DEPDC4: variants seen among roughly 807,000 people sequenced by gnomAD.
DEPDC4 encodes the protein DEP domain containing 4, also known as DEP domain-containing protein 4.
DEPDC4 carries 52 observed loss-of-function variants against 52.0 expected under a neutral mutation model. The observed-to-expected ratio is 1.00, with a 90% CI of 0.80 to 1.26. The LOEUF is 1.26. Ranked by LOEUF, DEPDC4 falls within the 50% of genes most tolerant of loss-of-function variation. The pLI, the probability that DEPDC4 is intolerant of heterozygous loss-of-function variation, is 0.00. For missense variants in DEPDC4, 530 were observed against 546.9 expected, an observed-to-expected ratio of 0.97 and a Z score of 0.31; for synonymous variants, 201 against 196.8, an observed-to-expected ratio of 1.02 and a Z score of -0.18.
At chr12:100,258,807 AC>A (rs2096243585) in intron 3 of DEPDC4, among the ~76,000 whole-genome samples, 1 of 152,020 alleles carries the variant, frequency 6.6e-6, no homozygotes, top group Non-Finnish European at 1.5e-5. Flanking sequence ...GCGGTGGTTC[AC>A]GTCTGTAATC....
intron 8 of DEPDC4, among the ~76,000 whole-genome samples, chr12:100,244,468 A>T (rs530752368): frequency 6.6e-6 from 1 of 150,950 alleles, no homozygotes; most frequent in South Asian, 2.1e-4. Context: ...GTCATGAGCC[A>T]CAGCATCCGG....
rs1386065817 is a variant in DEPDC4, at chr12:100,244,093, GTGTATATATATATATATATA to G, written c.1454-1544_1454-1525del. 2.1e-3 allele frequency among the ~76,000 whole-genome samples: 189 copies of G among 89,334 alleles called. 13 individuals are homozygous for G. In the East Asian group the frequency reaches 0.033, roughly 16 times the overall value. 58.6% of individuals were successfully genotyped at this position (89,334 alleles called of 152,430 possible). A position where few individuals can be genotyped will look rare whatever the true frequency, so the allele number is the denominator to read the frequency against. ...TCCCTCTCTCTCTCTCTCTCTCTCT[GTGTATATATATATATATATA>G]TATATATATATATATATATATACAC... is the stretch of plus-strand genomic sequence containing the variant. On this transcript the variant is annotated intron_variant, in intron 8 of 9. Transcript: ENST00000550587.
chr12:100,272,891 A>G, the DEPDC4 span, among the ~76,000 whole-genome samples: 15 of 152,364 alleles, frequency 9.8e-5, no homozygotes, highest in Admixed American at 9.8e-4. Context: ...ACATGTAAAT[A>G]CAAAATAAAT....
Position 100,256,053 on chromosome 12 carries a change from G to C in DEPDC4, c.874C>G (p.Pro292Ala). ...ACAATAAAAATGGTCACTTACTCAG[G>C]TAGACATAAGCTTGGAATAAGTTCT... ...DRELIPSLCL[P>A]EIDNWLNAAI... The change falls in exon 4 of 10, where the codon CCT becomes GCT. Residue 292 changes from proline to alanine, a missense_variant. By Grantham distance (27) the Pro-to-Ala change is conservative (BLOSUM62 -1). Coordinates refer to ENST00000550587, the MANE Select transcript of DEPDC4 (RefSeq NM_001364818.2). 1 of 1,591,078 alleles carries C rather than the reference G, an allele frequency of 6.3e-7. No homozygotes were observed. Among genetic ancestry groups the C allele is most frequent in the Non-Finnish European group, 8.6e-7 (1 of 1,167,518 alleles).
chr12:100,251,099 G>A (rs746205894), intron 7 of DEPDC4, among the ~76,000 whole-genome samples: 2 of 152,062 alleles, frequency 1.3e-5, no homozygotes, highest in Non-Finnish European at 2.9e-5. Context: ...ATTATGACAT[G>A]AGACAAAAAT....
At position 100,252,498 on chromosome 12, in the gene DEPDC4, G is replaced by C. The variant is rs758262947; in HGVS notation, c.1144C>G (p.Leu382Val). The change falls in exon 6 of 10, where the codon CTA (leucine) becomes GTA (valine). Residue 382 changes from leucine (L) to valine (V), a missense_variant. By Grantham distance (32) the Leu-to-Val change is conservative (BLOSUM62 1). Coordinates refer to ENST00000550587, the MANE Select transcript of DEPDC4 (RefSeq NM_001364818.2). ...TTCAGCAACAGCAATCTTAGATATA[G>C]TTGTGTTGCTTCAAGTGCTTCTGCT... is the stretch of plus-strand genomic sequence containing the variant. ...KRAEALEATQ[L>V]YLRLLLLNIR... 1.9e-6 allele frequency: 3 copies of C among 1,608,790 alleles called. No individual in the cohort carries two copies. Among genetic ancestry groups the C allele is most frequent in the Admixed American group, 3.4e-5 (2 of 59,462 alleles).
Position 100,240,927 on chromosome 12 carries a change from C to T in DEPDC4, c.*965G>A, listed in dbSNP as rs567648085. ...AATTAGCCGGGCATAGTGGCAGGTACCTATAATCCCAGCTACTCGGGAGGC... is the reference window on the plus strand; with the variant it reads ...AATTAGCCGGGCATAGTGGCAGGTATCTATAATCCCAGCTACTCGGGAGGC... On this transcript the variant is annotated 3_prime_UTR_variant, in exon 10 of 10. Coordinates refer to ENST00000550587, the MANE Select transcript of DEPDC4 (RefSeq NM_001364818.2). 6.6e-5 allele frequency among the ~76,000 whole-genome samples: 10 copies of T among 152,054 alleles called. No individual in the cohort carries two copies. Among genetic ancestry groups the T allele is most frequent in the Non-Finnish European group, 1.0e-4 (7 of 68,022 alleles).
At chr12:100,255,917 A>G (rs2096230520) in intron 4 of DEPDC4, 132 bp downstream of exon 4, 2 of 616,664 alleles carry the variant, frequency 3.2e-6, no homozygotes, top group Non-Finnish European at 5.4e-6. Flanking sequence ...ATGAGGATTC[A>G]TAATGATAAT....
downstream of DEPDC4, chr12:100,238,126 A>AG: frequency 1.1e-6 from 1 of 919,468 alleles, no homozygotes; most frequent in Non-Finnish European, 1.3e-6. Flanking sequence ...AACTTAAAAA[A>AG]AAAAAATATG....
chr12:100,262,996 C>T (rs1002094793), intron 2 of DEPDC4, among the ~76,000 whole-genome samples: 7 of 152,116 alleles, frequency 4.6e-5, no homozygotes, highest in Admixed American at 2.0e-4. Flanking sequence ...CTTGCTGTGT[C>T]GCCCTGGCTG....
Position 100,256,605 on chromosome 12 carries a change from T to C in DEPDC4, c.701-379A>G, listed in dbSNP as rs2096233727. On this transcript the variant is annotated intron_variant, in intron 3 of 9. Transcript: ENST00000550587. ...TTCTATTTATAGCAACATAGATAAT[T>C]GTAGTTCATTGTTTTTTGTTTGTTT... Among the ~76,000 whole-genome samples, 4 of 150,760 alleles carry C rather than the reference T, an allele frequency of 2.7e-5. No homozygotes were observed. The South Asian group carries it at 8.3e-4, about 31-fold the overall frequency.
At chr12:100,253,833 A>T in intron 4 of DEPDC4, 118 bp from the exon 5 acceptor site, 3 of 470,904 alleles carry the variant, frequency 6.4e-6, no homozygotes, top group South Asian at 4.0e-5. Flanking sequence ...TCTAAAGAAG[A>T]AATTATTTTT....
At chr12:100,253,933 T>C (rs2096220046) in intron 4 of DEPDC4, among the ~76,000 whole-genome samples, 1 of 152,188 alleles carries the variant, frequency 6.6e-6, no homozygotes, top group Admixed American at 6.5e-5. Context: ...CCACCACACC[T>C]TTATGGACTT....
chr12:100,271,758 A>G (rs2096287918), upstream of DEPDC4, among the ~76,000 whole-genome samples: 1 of 151,996 alleles, frequency 6.6e-6, no homozygotes, highest in Admixed American at 6.5e-5. Context: ...TCTGCTTTAT[A>G]ATATTTTATT....
At chr12:100,257,933 T>C (rs2096240780) in intron 3 of DEPDC4, 1 of 152,144 alleles carries the variant, frequency 6.6e-6, no homozygotes, top group African/African-American at 2.4e-5. Flanking sequence ...AGAAAATTAA[T>C]GTATAAAAAC....
At chr12:100,265,406 A>G (rs1304299198) in intron 1 of DEPDC4, among the ~76,000 whole-genome samples, 1 of 152,132 alleles carries the variant, frequency 6.6e-6, no homozygotes, top group Non-Finnish European at 1.5e-5. Context: ...TGGCCAACAT[A>G]GTGAAACCCC....
upstream of DEPDC4, among the ~76,000 whole-genome samples, chr12:100,268,720 C>T (rs1447670079): frequency 1.3e-5 from 2 of 152,130 alleles, no homozygotes; most frequent in Non-Finnish European, 2.9e-5. Context: ...CTGGGAATAA[C>T]TACTCATATT....
intron 4 of DEPDC4, among the ~76,000 whole-genome samples, chr12:100,254,059 AT>A (rs776607586): frequency 2.0e-5 from 3 of 151,916 alleles, no homozygotes; most frequent in Non-Finnish European, 4.4e-5. Flanking sequence ...TTCTATTATT[AT>A]TTGAAAATAA....
chr12:100,274,661 A>G, the DEPDC4 span, among the ~76,000 whole-genome samples: 2 of 152,224 alleles, frequency 1.3e-5, no homozygotes, highest in Non-Finnish European at 2.9e-5. Context: ...AATGGCCTAC[A>G]GTAACACTGG....
Sources: allele counts gnomAD v4.1 joint callset (sites outside exome capture counted in the v4.1 genomes callset), GRCh38; gene constraint gnomAD v4.1.1; transcripts MANE v1.5; gene names NCBI Gene and HGNC (gene_info 2026-07-23, HGNC 2026-07-21).